SHTN1: variants seen among roughly 807,000 people sequenced by gnomAD.
SHTN1 encodes the protein shootin-1.
A neutral mutation model predicts 83.1 loss-of-function variants in SHTN1; 42 were observed. That is an observed-to-expected ratio of 0.51 (90% CI 0.39 to 0.65). SHTN1 has a LOEUF of 0.65. SHTN1 is among the 30% of genes least tolerant of loss of function. The pLI is 0.00. For synonymous variants in SHTN1, 224 were observed against 247.7 expected, an observed-to-expected ratio of 0.90 and a Z score of 0.90; for missense variants, 622 against 737.8, an observed-to-expected ratio of 0.84 and a Z score of 1.82.
intron 9 of SHTN1, among the ~76,000 whole-genome samples, chr10:116,935,407 C>T (rs1402409063): frequency 6.6e-6 from 1 of 152,210 alleles, no homozygotes; most frequent in East Asian, 1.9e-4. Context: ...GCCTTTTCTG[C>T]ATCTATTGAG....
intron 1 of SHTN1, among the ~76,000 whole-genome samples, chr10:117,112,489 G>A (rs977156408): frequency 2.6e-5 from 4 of 152,146 alleles, no homozygotes; most frequent in Non-Finnish European, 4.4e-5. Flanking sequence ...ACCTTACAAC[G>A]CTTTAAAATT....
intron 12 of SHTN1, among the ~76,000 whole-genome samples, chr10:116,920,608 A>AT (rs966466040): frequency 4.6e-5 from 7 of 151,224 alleles, no homozygotes; most frequent in African/African-American, 9.7e-5. Flanking sequence ...AGCCAGGGTG[A>AT]TTTTTTTTTA....
Position 116,960,240 on chromosome 10 carries a change from A to AG in SHTN1, c.173-11dup, listed in dbSNP as rs754981052. 3.0e-4 allele frequency: 448 copies of AG among 1,479,074 alleles called. No individual in the cohort carries two copies. Among genetic ancestry groups the AG allele is most frequent in the Non-Finnish European group, 4.0e-4 (426 of 1,059,340 alleles). The allele number at this position is 1,479,074 out of a possible 1,614,324, so 91.6% of individuals were successfully genotyped here. On this transcript the variant is annotated splice_polypyrimidine_tract_variant and intron_variant, in intron 3 of 16. Coordinates refer to ENST00000355371, the MANE Select transcript of SHTN1 (RefSeq NM_001127211.3). ...ATGACCATGTGAGAAACTAGGAATG[A>AG]GGGGGAAAAAAAATCTCAGCATTCA...
At chr10:116,947,101 G>C (rs1564891239) in intron 7 of SHTN1, among the ~76,000 whole-genome samples, 4 of 152,136 alleles carry the variant, frequency 2.6e-5, no homozygotes, top group South Asian at 4.1e-4. Flanking sequence ...AAGAATCAGA[G>C]CTTTGTACCA....
In SHTN1 at chr10:116,885,888, G is replaced by A. The variant is rs74161331; in HGVS notation, c.*456C>T. ...AGTACCCAACAATTTCCATGCTGCTGCAGTTTCTCCATCAAGAGGATCAGA... is the reference window on the plus strand; with the variant it reads ...AGTACCCAACAATTTCCATGCTGCTACAGTTTCTCCATCAAGAGGATCAGA... On this transcript the variant is annotated 3_prime_UTR_variant, in exon 17 of 17. Transcript: ENST00000355371. 9.1e-3 allele frequency: 1,482 copies of A among 162,680 alleles called. 17 individuals are homozygous for A. The highest frequency in any genetic ancestry group is 0.033 in the African/African-American group (1,390 of 41,632). The allele number at this position is 162,680 out of a possible 1,614,324, so 10.1% of individuals were successfully genotyped here.
At chr10:117,014,798 A>G (rs944162923) in intron 2 of SHTN1, among the ~76,000 whole-genome samples, 1 of 152,226 alleles carries the variant, frequency 6.6e-6, no homozygotes, top group Non-Finnish European at 1.5e-5. Context: ...AAAAATAGGA[A>G]CCTAATTTTA....
intron 16 of SHTN1, among the ~76,000 whole-genome samples, chr10:116,889,794 T>C (rs1257307233): frequency 6.6e-6 from 1 of 152,234 alleles, no homozygotes; most frequent in Non-Finnish European, 1.5e-5. Context: ...TCCATCTCCA[T>C]CTTCCAGATC....
In SHTN1 at chr10:116,881,768, C is replaced by A; in HGVS notation, c.*4576G>T. ...TCTCCACATGGAGTTTCCTCTTCAA[C>A]TTCACCAACTCTTGTGGTTTTTATT... On this transcript the variant is annotated 3_prime_UTR_variant, in exon 17 of 17. Coordinates refer to ENST00000355371, the MANE Select transcript of SHTN1 (RefSeq NM_001127211.3). The A allele has an allele frequency of 2.3e-6, 2 of 868,814 alleles. No individual in the cohort carries two copies. Among genetic ancestry groups the A allele is most frequent in the Non-Finnish European group, 3.2e-6 (2 of 627,622 alleles). The allele number at this position is 868,814 out of a possible 1,614,324, so 53.8% of individuals were successfully genotyped here.
chr10:116,963,397 G>T (rs1381938652), intron 3 of SHTN1, among the ~76,000 whole-genome samples: 1 of 151,838 alleles, frequency 6.6e-6, no homozygotes, highest in Non-Finnish European at 1.5e-5. Flanking sequence ...TAAACGTTTA[G>T]CTATTCATGT....
At chr10:116,987,782 G>T (rs962594167) in intron 1 of SHTN1, among the ~76,000 whole-genome samples, 1 of 152,100 alleles carries the variant, frequency 6.6e-6, no homozygotes, top group African/African-American at 2.4e-5. Flanking sequence ...AGGAGTGGGG[G>T]CATGTGCCTG....
In SHTN1 at chr10:116,883,530, T is replaced by G. The variant is rs1307638999; in HGVS notation, c.*2814A>C. ...TAAGCTAATGTTGTTCCACAACGAG[T>G]GTAACTGAACAGGTAGAGTATGCAT... On this transcript the variant is annotated 3_prime_UTR_variant, in exon 17 of 17. Coordinates refer to ENST00000355371, the MANE Select transcript of SHTN1 (RefSeq NM_001127211.3). 6.6e-6 allele frequency: 1 copy of G among 152,162 alleles called. No homozygotes were observed. The allele number at this position is 152,162 out of a possible 1,614,324, so 9.4% of individuals were successfully genotyped here. A position where few individuals can be genotyped will look rare whatever the true frequency, so the allele number is the denominator to read the frequency against.
Position 116,927,857 on chromosome 10 carries a change from C to T in SHTN1, c.1047G>A (p.Glu349=), listed in dbSNP as rs900032291. Residue 349 remains glutamate (E), a synonymous_variant, in exon 11 of 17, where the codon GAG becomes GAA. Transcript: ENST00000355371. ...GAGGAGGTGGTGGAGGTACTGAATT[C>T]TCAGACTGGTTCACTCGTTTCTGGA... The part of the protein sequence containing the change: ...DELQKRVNQS[E]NSVPPPPPPP... 8.1e-6 allele frequency: 13 copies of T among 1,611,704 alleles called. No homozygotes were observed. Among genetic ancestry groups the T allele is most frequent in the Non-Finnish European group, 1.1e-5 (13 of 1,179,044 alleles).
intron 9 of SHTN1, among the ~76,000 whole-genome samples, chr10:116,938,364 T>C (rs1849247998): frequency 6.6e-6 from 1 of 152,170 alleles, no homozygotes; most frequent in African/African-American, 2.4e-5. Context: ...GGATGTCCTT[T>C]TGTTGATGTT....
At chr10:117,002,860 A>G (rs1851871584) in intron 1 of SHTN1, among the ~76,000 whole-genome samples, 1 of 152,230 alleles carries the variant, frequency 6.6e-6, no homozygotes, top group Non-Finnish European at 1.5e-5. Flanking sequence ...TAACTGTTCT[A>G]TTACCTTTCA....
chr10:117,084,131 G>C (rs1231783852), intron 1 of SHTN1, among the ~76,000 whole-genome samples: 1 of 152,150 alleles, frequency 6.6e-6, no homozygotes, highest in East Asian at 1.9e-4. Context: ...CTTATTTTTA[G>C]AGTTTCCAGT....
chr10:117,041,219 T>G (rs1403977484), intron 2 of SHTN1, among the ~76,000 whole-genome samples: 1 of 151,940 alleles, frequency 6.6e-6, no homozygotes, highest in African/African-American at 2.4e-5. Context: ...TTTATGACAC[T>G]CAGTACTCAG....
intron 1 of SHTN1, among the ~76,000 whole-genome samples, chr10:117,124,525 C>A (rs1485714303): frequency 2.0e-5 from 3 of 152,164 alleles, no homozygotes; most frequent in Non-Finnish European, 4.4e-5. Flanking sequence ...GTAATCCCAC[C>A]ACTTTGGGAG....
intron 3 of SHTN1, among the ~76,000 whole-genome samples, chr10:116,962,637 A>G (rs1453340257): frequency 6.6e-6 from 1 of 152,200 alleles, no homozygotes; most frequent in Non-Finnish European, 1.5e-5. Context: ...AAACAAAACA[A>G]AACAAAAAAA....
At chr10:116,982,453 G>A (rs1392662560) in intron 1 of SHTN1, among the ~76,000 whole-genome samples, 1 of 152,026 alleles carries the variant, frequency 6.6e-6, no homozygotes, top group Non-Finnish European at 1.5e-5. Context: ...GTATCACAGT[G>A]GACCCCTAAC....
Sources: gnomAD v4.1 joint callset for allele counts (sites outside exome capture counted in the v4.1 genomes callset) on GRCh38, gnomAD v4.1.1 for gene constraint, MANE v1.5 for transcripts, NCBI Gene and HGNC (gene_info 2026-07-23, HGNC 2026-07-21) for gene names.